Variants in PRKN observed in about 807,000 individuals in gnomAD.
PRKN encodes E3 ubiquitin-protein ligase parkin.
Under a neutral mutation model 59.5 loss-of-function variants are expected in PRKN, and 56 were observed. The ratio of observed to expected loss-of-function variants is 0.94; its 90% confidence interval spans 0.76 to 1.18. The LOEUF (loss-of-function observed/expected upper bound fraction) is 1.18, where lower values mean the gene tolerates loss of function less well. PRKN is among the 50% of genes most tolerant of loss of function. The probability of loss-of-function intolerance (pLI) is 0.00; values close to 1 mark genes in which losing one functional copy is unlikely to be tolerated. For synonymous variants in PRKN, 250 were observed against 222.1 expected, an observed-to-expected ratio of 1.13 and a Z score of -1.12; for missense variants, 657 against 596.4, an observed-to-expected ratio of 1.10 and a Z score of -1.06.
intron 2 of PRKN, among the ~76,000 whole-genome samples, chr6:162,424,334 T>C (rs1789118622): frequency 6.6e-6 from 1 of 152,238 alleles, no homozygotes; most frequent in African/African-American, 2.4e-5. Context: ...TCCATGTCAC[T>C]AAACATTTGT....
At chr6:162,425,380 A>G (rs1789184158) in intron 2 of PRKN, among the ~76,000 whole-genome samples, 1 of 152,200 alleles carries the variant, frequency 6.6e-6, no homozygotes, top group South Asian at 2.1e-4. Flanking sequence ...TCCAAGGGAG[A>G]GAAGCAATAC....
intron 1 of PRKN, among the ~76,000 whole-genome samples, chr6:162,658,811 G>A (rs1778767582): frequency 6.6e-6 from 1 of 151,164 alleles, no homozygotes; most frequent in African/African-American, 2.4e-5. Flanking sequence ...TATCATATAA[G>A]TCATGTGAAT....
intron 4 of PRKN, among the ~76,000 whole-genome samples, chr6:162,080,268 A>C (rs774501163): frequency 1.3e-5 from 2 of 152,162 alleles, no homozygotes; most frequent in Non-Finnish European, 2.9e-5. Flanking sequence ...TCAATTCTAC[A>C]ATGCTCAGGT....
chr6:162,149,033 A>C (rs539505188), intron 4 of PRKN, among the ~76,000 whole-genome samples: 52 of 152,194 alleles, frequency 3.4e-4, no homozygotes, highest in African/African-American at 1.3e-3. Flanking sequence ...TCTTGGCACA[A>C]ATAGGGTAGT....
intron 2 of PRKN, among the ~76,000 whole-genome samples, chr6:162,382,489 C>T (rs1265184482): frequency 1.3e-5 from 2 of 152,144 alleles, no homozygotes; most frequent in Admixed American, 6.5e-5. Context: ...CGTATAATAG[C>T]ATTATGTATA....
chr6:162,121,322 A>G (rs1165646103), intron 4 of PRKN, among the ~76,000 whole-genome samples: 1 of 152,166 alleles, frequency 6.6e-6, no homozygotes, highest in Non-Finnish European at 1.5e-5. Flanking sequence ...AGGCACCATC[A>G]TTTTAGTGAA....
intron 1 of PRKN, among the ~76,000 whole-genome samples, chr6:162,593,617 G>A (rs565243819): frequency 1.2e-4 from 18 of 152,036 alleles, no homozygotes; most frequent in Admixed American, 3.3e-4. Flanking sequence ...GCTTGCTGGG[G>A]GCTAGATGTA....
intron 7 of PRKN, among the ~76,000 whole-genome samples, chr6:161,768,418 C>T (rs932798945): frequency 4.6e-5 from 7 of 152,104 alleles, no homozygotes; most frequent in Non-Finnish European, 8.8e-5. Flanking sequence ...ATCCACTGGC[C>T]TAGATCAGTG....
chr6:161,807,348 C>A (rs1791376672), intron 6 of PRKN, among the ~76,000 whole-genome samples: 1 of 152,142 alleles, frequency 6.6e-6, no homozygotes, highest in South Asian at 2.1e-4. Flanking sequence ...CATACACATG[C>A]ATATACACAA....
chr6:162,670,554 G>A (rs1463405205), intron 1 of PRKN, among the ~76,000 whole-genome samples: 1 of 152,110 alleles, frequency 6.6e-6, no homozygotes, highest in Non-Finnish European at 1.5e-5. Flanking sequence ...GATTGTATTG[G>A]CTTTCGTAGG....
At chr6:162,459,208 A>G (rs1371528486) in intron 1 of PRKN, among the ~76,000 whole-genome samples, 1 of 152,194 alleles carries the variant, frequency 6.6e-6, no homozygotes, top group Admixed American at 6.5e-5. Context: ...AGGCAGCATC[A>G]TATTACTGTA....
chr6:161,386,744 C>T lies in PRKN; in HGVS notation c.1167+50G>A. ...GACCTCCAGGAAACGGCTCCAGTCC[C>T]CCACTGTATCCGGAGCCCTGCTTGG... On this transcript the variant is annotated intron_variant, in intron 10 of 11. Transcript: ENST00000366898. The surrounding 1 kb of genome is among the most constrained non-coding windows in gnomAD (Gnocchi z 4.3). 7.1e-7 allele frequency: 1 copy of T among 1,398,640 alleles called. No homozygotes were observed. Among genetic ancestry groups the T allele is most frequent in the Non-Finnish European group, 1.0e-6 (1 of 983,540 alleles). 86.6% of individuals were successfully genotyped at this position (1,398,640 alleles called of 1,614,324 possible).
At position 161,355,119 on chromosome 6, in the gene PRKN, T is replaced by C. The variant is rs11759471; in HGVS notation, c.1286-4908A>G. Among the ~76,000 whole-genome samples the C allele has an allele frequency of 6.6e-6, 1 of 152,226 alleles. No homozygotes were observed. The highest frequency in any genetic ancestry group is 2.4e-5 in the African/African-American group (1 of 41,466). The stretch of plus-strand genomic sequence containing the variant: ...CTTCAGCTGAGGCTCCTGCGTGCGG[T>C]GCCTGGAACACGAGCAGCAGGGGCT... On this transcript the variant is annotated intron_variant, in intron 11 of 11. Transcript: ENST00000366898. This position sits in a 1 kb window ranked among gnomAD's most constrained non-coding sequence, Gnocchi z 6.8.
At chr6:162,105,019 A>G (rs896708186) in intron 4 of PRKN, among the ~76,000 whole-genome samples, 12 of 152,294 alleles carry the variant, frequency 7.9e-5, no homozygotes, top group African/African-American at 2.6e-4. Context: ...TAATCTATGG[A>G]GGCATAGCTT....
At chr6:161,865,072 G>T (rs947043748) in intron 6 of PRKN, among the ~76,000 whole-genome samples, 1 of 152,180 alleles carries the variant, frequency 6.6e-6, no homozygotes, top group Non-Finnish European at 1.5e-5. Context: ...GCTGCAGAAT[G>T]GGTGTTGTGT....
At chr6:162,234,313 T>G (rs6940616) in intron 3 of PRKN, among the ~76,000 whole-genome samples, 63,591 of 152,098 alleles carry the variant, frequency 0.42, 15,205 homozygotes, top group East Asian at 0.78. Context: ...CCCAGTGAGC[T>G]GGCTTTAGGA....
At chr6:161,668,375 C>T (rs1023720766) in intron 7 of PRKN, among the ~76,000 whole-genome samples, 6 of 151,658 alleles carry the variant, frequency 4.0e-5, no homozygotes, top group East Asian at 3.9e-4. Context: ...AAACAACACA[C>T]GCTCTTAAAT....
In PRKN at chr6:161,723,912, C is replaced by T. The variant is rs1158908185; in HGVS notation, c.871+61860G>A. ...GGAAGACAGAGAACAGTAGGGGGCTCGGTCTTCAAGACACCTGTCTCCACC... is the reference window on the plus strand; with the variant it reads ...GGAAGACAGAGAACAGTAGGGGGCTTGGTCTTCAAGACACCTGTCTCCACC... On this transcript the variant is annotated intron_variant, in intron 7 of 11. Transcript: ENST00000366898. Among the ~76,000 whole-genome samples the T allele has an allele frequency of 5.3e-5, 8 of 152,104 alleles. No homozygotes were observed. The East Asian group carries it at 7.7e-4, about 15-fold the overall frequency.
intron 1 of PRKN, among the ~76,000 whole-genome samples, chr6:162,607,816 TAGG>T (rs1479864527): frequency 1.3e-5 from 2 of 152,040 alleles, no homozygotes; most frequent in African/African-American, 2.4e-5. Flanking sequence ...CCATGTAAAG[TAGG>T]AGAAGAGTTC....
Sources: gnomAD v4.1 joint callset for allele counts (sites outside exome capture counted in the v4.1 genomes callset) on GRCh38, gnomAD v4.1.1 for gene constraint, Gnocchi (gnomAD v3.1) non-coding constraint, MANE v1.5 for transcripts, NCBI Gene and HGNC (gene_info 2026-07-23, HGNC 2026-07-21) for gene names.